Variants in RTF1 observed in about 807,000 individuals in gnomAD.
The protein encoded by RTF1 is RNA polymerase-associated protein RTF1 homolog.
In RTF1, 10 loss-of-function variants were observed where a neutral mutation model predicts 95.7. The observed-to-expected ratio is 0.10, with a 90% CI of 0.06 to 0.18. The LOEUF (loss-of-function observed/expected upper bound fraction) is 0.18, where lower values mean the gene tolerates loss of function less well. Ranked by LOEUF, RTF1 falls within the 10% of genes least tolerant of loss-of-function variation. The pLI is 1.00. For missense variants in RTF1, 458 were observed against 875.6 expected (o/e 0.52, Z 6.02); for synonymous variants, 305 against 311.8 (o/e 0.98, Z 0.23).
chr15:41,427,193 C>G (rs1294428511), intron 1 of RTF1, among the ~76,000 whole-genome samples: 1 of 141,442 alleles, frequency 7.1e-6, no homozygotes, highest in South Asian at 2.3e-4. Flanking sequence ...GCTCTGTTGC[C>G]CAGGCCGGAG....
intron 2 of RTF1, among the ~76,000 whole-genome samples, chr15:41,450,026 T>A (rs2050782300): frequency 6.6e-6 from 1 of 151,844 alleles, no homozygotes. Flanking sequence ...TGAGACCTCC[T>A]CTCTACAAAA....
At chr15:41,420,359 A>G (rs1367256099) in intron 1 of RTF1, among the ~76,000 whole-genome samples, 1 of 152,156 alleles carries the variant, frequency 6.6e-6, no homozygotes, top group African/African-American at 2.4e-5. Context: ...CAGAATAATC[A>G]AAGAGGAAGA....
rs193053343 is a variant in RTF1, at chr15:41,472,308, G to A, written c.1203+959G>A. ...TGCAACCTCCGCCTCCTGGGTTCAA[G>A]TAATTCCCCTGCCTCAGCCTCCCGA... On this transcript the variant is annotated intron_variant, in intron 8 of 17. Coordinates refer to ENST00000389629, the MANE Select transcript of RTF1 (RefSeq NM_015138.5). Among the ~76,000 whole-genome samples the A allele has an allele frequency of 1.2e-3, 183 of 151,790 alleles. 2 individuals carry two copies. The highest frequency in any genetic ancestry group is 4.2e-3 in the African/African-American group (175 of 41,372).
intron 2 of RTF1, among the ~76,000 whole-genome samples, chr15:41,446,803 ATTTTTT>A (rs764254736): frequency 7.3e-6 from 1 of 136,774 alleles, no homozygotes; most frequent in East Asian, 2.2e-4. Context: ...CCCAGCTGTT[ATTTTTT>A]TTTTTTTTTT....
intron 1 of RTF1, among the ~76,000 whole-genome samples, chr15:41,436,519 G>T (rs1008695461): frequency 2.6e-5 from 4 of 151,468 alleles, no homozygotes; most frequent in African/African-American, 9.7e-5. Context: ...AGCCACTTGG[G>T]AGGTTGAGGC....
chr15:41,469,403 G>A (rs1040857259), intron 6 of RTF1, among the ~76,000 whole-genome samples: 1 of 150,208 alleles, frequency 6.7e-6, no homozygotes, highest in African/African-American at 2.5e-5. Flanking sequence ...TGTATTTTTG[G>A]TAGAGATGCA....
intron 2 of RTF1, among the ~76,000 whole-genome samples, chr15:41,446,472 A>G (rs900049026): frequency 6.6e-6 from 1 of 152,106 alleles, no homozygotes; most frequent in Non-Finnish European, 1.5e-5. Flanking sequence ...AGGCTGAGGC[A>G]GGAGAATCGC....
At chr15:41,473,679 C>G (rs1376283066) in intron 8 of RTF1, among the ~76,000 whole-genome samples, 1 of 152,156 alleles carries the variant, frequency 6.6e-6, no homozygotes, top group Non-Finnish European at 1.5e-5. Context: ...CCTCCTACAA[C>G]AGCCTCTTGA....
At chr15:41,435,680 G>A (rs547748569) in intron 1 of RTF1, among the ~76,000 whole-genome samples, 3 of 152,218 alleles carry the variant, frequency 2.0e-5, no homozygotes, top group South Asian at 4.1e-4. Flanking sequence ...AATCTGAGAA[G>A]GTCATTTCTC....
chr15:41,441,162 G>A (rs2050733269), intron 2 of RTF1, among the ~76,000 whole-genome samples: 1 of 151,458 alleles, frequency 6.6e-6, no homozygotes, highest in Non-Finnish European at 1.5e-5. Flanking sequence ...TAGTAGAGAC[G>A]GGGTTTCACC....
intron 17 of RTF1, 60 bp from the exon 18 acceptor site, chr15:41,480,521 G>A: frequency 7.9e-7 from 1 of 1,259,190 alleles, no homozygotes; most frequent in East Asian, 2.3e-5. Context: ...CAGGAGTGTA[G>A]CACAGGACTA....
intron 1 of RTF1, among the ~76,000 whole-genome samples, chr15:41,423,914 G>A (rs762121171): frequency 6.6e-5 from 10 of 151,674 alleles, no homozygotes; most frequent in South Asian, 2.1e-4. Context: ...CACCATGCCC[G>A]ACTAATTTTT....
chr15:41,467,342 G>A (rs186591335), intron 6 of RTF1, among the ~76,000 whole-genome samples: 13 of 152,318 alleles, frequency 8.5e-5, no homozygotes, highest in African/African-American at 2.9e-4. Context: ...AATTGGCATA[G>A]TGTCACTATG....
intron 1 of RTF1, 108 bp downstream of exon 1, chr15:41,417,421 G>T: frequency 2.1e-6 from 2 of 970,708 alleles, no homozygotes; most frequent in Non-Finnish European, 2.7e-6. Context: ...CGCCCAGCTC[G>T]CCCCGTGCCC....
rs894297305 is a variant in RTF1 at position 41,440,185 on chromosome 15, T to C, written c.309+1754T>C. ...TCTGATCAACTGTAGTGATAATTTCTTTCTTTTTTTTTTTTTTTTTCTTGA... is the reference window on the plus strand; with the variant it reads ...TCTGATCAACTGTAGTGATAATTTCCTTCTTTTTTTTTTTTTTTTTCTTGA... On this transcript the variant is annotated intron_variant, in intron 2 of 17. Coordinates refer to ENST00000389629, the MANE Select transcript of RTF1 (RefSeq NM_015138.5). 1.9e-4 allele frequency: 26 copies of C among 137,700 alleles called. 1 individual carries two copies. The highest frequency in any genetic ancestry group is 7.0e-4 in the African/African-American group (25 of 35,946). The allele number at this position is 137,700 out of a possible 1,614,324, so 8.5% of individuals were successfully genotyped here. A position where few individuals can be genotyped will look rare whatever the true frequency, so the allele number is the denominator to read the frequency against.
Position 41,470,148 on chromosome 15 carries a change from G to A in RTF1, c.890-109G>A, listed in dbSNP as rs78197924. On this transcript the variant is annotated intron_variant, in intron 6 of 17. Transcript: ENST00000389629. ...CCAAGTTAGCACAATCCAGTCTAGA[G>A]AGGACGGAGCTGTGTATTTGAGTCC... The A allele has an allele frequency of 2.8e-3, 3,283 of 1,152,736 alleles. 68 individuals carry two copies. The African/African-American group carries it at 0.047, about 16-fold the overall frequency. 71.4% of individuals were successfully genotyped at this position (1,152,736 alleles called of 1,614,324 possible). A position where few individuals can be genotyped will look rare whatever the true frequency, so the allele number is the denominator to read the frequency against.
At chr15:41,426,877 T>G (rs930973874) in intron 1 of RTF1, among the ~76,000 whole-genome samples, 12 of 150,150 alleles carry the variant, frequency 8.0e-5, no homozygotes, top group African/African-American at 2.9e-4. Context: ...AGTCTCACTC[T>G]GTTGCCCAGG....
At chr15:41,432,585 G>T (rs1210799559) in intron 1 of RTF1, among the ~76,000 whole-genome samples, 1 of 152,004 alleles carries the variant, frequency 6.6e-6, no homozygotes, top group East Asian at 1.9e-4. Flanking sequence ...TTTAACAGAT[G>T]TCTACTATGG....
Position 41,475,484 on chromosome 15 carries a change from A to C in RTF1, c.1287-41A>C, listed in dbSNP as rs1424369711. ...GGTTGCTTTGCTTGTACTACAGTCA[A>C]CATGCACATTTCTTGGAGATGCTGT... On this transcript the variant is annotated intron_variant, in intron 9 of 17. Transcript: ENST00000389629. 6 of 1,535,562 alleles carry C rather than the reference A, an allele frequency of 3.9e-6. No homozygotes were observed. The African/African-American group carries it at 8.2e-5, about 21-fold the overall frequency.
Sources: allele counts gnomAD v4.1 joint callset (sites outside exome capture counted in the v4.1 genomes callset), GRCh38; gene constraint gnomAD v4.1.1; transcripts MANE v1.5; gene names NCBI Gene and HGNC (gene_info 2026-07-23, HGNC 2026-07-21).